The following NGLY1 variants were observed in gnomAD, a reference collection of about 807,000 sequenced individuals.
NGLY1 encodes the protein peptide-N(4)-(N-acetyl-beta-glucosaminyl)asparagine amidase.
NGLY1 carries 68 observed loss-of-function variants against 84.6 expected under a neutral mutation model. The observed-to-expected ratio is 0.80, with a 90% CI of 0.66 to 0.98. The LOEUF is 0.98. NGLY1 is among the 50% of genes least tolerant of loss of function. The pLI is 0.00. For synonymous variants in NGLY1, 280 were observed against 275.2 expected (o/e 1.02, Z -0.17); for missense variants, 779 against 770.2 (o/e 1.01, Z -0.14).
Position 25,741,820 on chromosome 3 carries a change from G to A in NGLY1, c.659-2021C>T, listed in dbSNP as rs1217531196. Among the ~76,000 whole-genome samples the A allele has an allele frequency of 5.3e-5, 8 of 151,812 alleles. No individual in the cohort carries two copies. The East Asian group carries it at 7.8e-4, about 15-fold the overall frequency. Reference sequence around the variant, plus strand: ...AGCCTGCCCAACATGGTGAAACCCCGTCTCTACTAAAAATACAAAAGAAAA... The same window carrying A: ...AGCCTGCCCAACATGGTGAAACCCCATCTCTACTAAAAATACAAAAGAAAA... On this transcript the variant is annotated intron_variant, in intron 4 of 11. Coordinates refer to ENST00000280700, the MANE Select transcript of NGLY1 (RefSeq NM_018297.4).
At chr3:25,788,981 C>T (rs1029654830) in intron 1 of NGLY1, among the ~76,000 whole-genome samples, 2 of 152,170 alleles carry the variant, frequency 1.3e-5, no homozygotes, top group African/African-American at 4.8e-5. Flanking sequence ...ACAATGGCTT[C>T]AAGAGGCATT....
intron 4 of NGLY1, 53 bp from the exon 5 acceptor site, chr3:25,739,852 T>A: frequency 7.8e-7 from 1 of 1,285,484 alleles, no homozygotes; most frequent in Non-Finnish European, 1.1e-6. Context: ...AAATTTAAAC[T>A]ATCCAAACAT....
intron 3 of NGLY1, 134 bp from the exon 4 acceptor site, chr3:25,751,397 A>T: frequency 2.8e-6 from 2 of 709,718 alleles, no homozygotes; most frequent in Non-Finnish European, 4.2e-6. Flanking sequence ...TAATAATTAT[A>T]CCCATAAACT....
Position 25,783,064 on chromosome 3 carries a change from G to A in NGLY1, c.131+196C>T, listed in dbSNP as rs1302960652. The A allele has an allele frequency of 9.4e-6, 5 of 534,256 alleles. No individual in the cohort carries two copies. The highest frequency in any genetic ancestry group is 7.1e-5 in the South Asian group (3 of 42,176). 33.1% of individuals were successfully genotyped at this position (534,256 alleles called of 1,614,324 possible). ...GCAAAGAAACTTCCTTTTCTCGAGC[G>A]GGGGTGGGACTTGGCCGGGTCCCGA... On this transcript the variant is annotated intron_variant, in intron 1 of 11. Coordinates refer to ENST00000280700, the MANE Select transcript of NGLY1 (RefSeq NM_018297.4). This position sits in a 1 kb window ranked among gnomAD's most constrained non-coding sequence, Gnocchi z 4.5.
rs34906518 is a variant in NGLY1, at chr3:25,753,043, C to CA, written c.493-1781dup. Among the ~76,000 whole-genome samples, 1,275 of 147,840 alleles carry CA rather than the reference C, an allele frequency of 8.6e-3. 7 individuals carry two copies. The highest frequency in any genetic ancestry group is 0.014 in the Non-Finnish European group (904 of 66,826). ...AAAACAATGGAAGAAGGCAACTGCT[C>CA]AAAAAAAAACAGAAATAAATTTCTC... On this transcript the variant is annotated intron_variant, in intron 3 of 11. Transcript: ENST00000280700.
rs532188961 is a variant in NGLY1, at chr3:25,719,653, A to T, written c.1790-18T>A. On this transcript the variant is annotated intron_variant, in intron 11 of 11. Coordinates refer to ENST00000280700, the MANE Select transcript of NGLY1 (RefSeq NM_018297.4). ...ACTGTTATCTGTTAGAGGGAAAAAA[A>T]AAATTAACATTTTGCTTTTGGTAAT... 100 of 1,591,968 alleles carry T rather than the reference A, an allele frequency of 6.3e-5. No individual in the cohort carries two copies. The South Asian group carries it at 7.4e-4, about 12-fold the overall frequency.
chr3:25,758,801 G>A (rs1707167803), intron 3 of NGLY1, among the ~76,000 whole-genome samples: 1 of 152,158 alleles, frequency 6.6e-6, no homozygotes. Context: ...AAGAAATAAA[G>A]ATGCAACAAT....
intron 1 of NGLY1, 47 bp from the exon 2 acceptor site, chr3:25,778,735 T>C (rs1708265138): frequency 1.7e-6 from 2 of 1,179,532 alleles, no homozygotes; most frequent in Non-Finnish European, 2.5e-6. Context: ...AACCAGGTCA[T>C]AGTTCTTCAA....
At chr3:25,743,627 T>C (rs575566626) in intron 4 of NGLY1, among the ~76,000 whole-genome samples, 7 of 152,190 alleles carry the variant, frequency 4.6e-5, no homozygotes, top group Non-Finnish European at 1.0e-4. Flanking sequence ...TTCACTGCTA[T>C]ATCCCCAACA....
chr3:25,764,860 G>A (rs984408980), intron 2 of NGLY1, among the ~76,000 whole-genome samples: 2 of 152,096 alleles, frequency 1.3e-5, no homozygotes, highest in African/African-American at 2.4e-5. Context: ...ATTTTTCCAC[G>A]ATAACGAAAA....
chr3:25,723,736 C>A (rs1328938664), intron 10 of NGLY1, among the ~76,000 whole-genome samples: 2 of 151,614 alleles, frequency 1.3e-5, no homozygotes, highest in Non-Finnish European at 2.9e-5. Flanking sequence ...CATATTTTTG[C>A]CTGTTGGCTT....
chr3:25,756,281 G>A (rs868016058), intron 3 of NGLY1, among the ~76,000 whole-genome samples: 2 of 152,092 alleles, frequency 1.3e-5, no homozygotes, highest in African/African-American at 2.4e-5. Flanking sequence ...AATGTAAAAG[G>A]CCATACCTGG....
intron 5 of NGLY1, among the ~76,000 whole-genome samples, chr3:25,738,389 A>T (rs1705949201): frequency 6.6e-6 from 1 of 152,098 alleles, no homozygotes; most frequent in Non-Finnish European, 1.5e-5. Flanking sequence ...CCAATTATAA[A>T]ATTACCAGAC....
intron 3 of NGLY1, among the ~76,000 whole-genome samples, chr3:25,763,778 C>G (rs1015538785): frequency 2.0e-5 from 3 of 152,010 alleles, no homozygotes; most frequent in Admixed American, 6.6e-5. Context: ...TTACCTTAAA[C>G]CTAAAGAAGC....
chr3:25,771,925 T>A (rs115123695), intron 2 of NGLY1, among the ~76,000 whole-genome samples: 1,919 of 152,274 alleles, frequency 0.013, 40 homozygotes, highest in African/African-American at 0.044. Flanking sequence ...TGTAGGAGCT[T>A]TTTGGATGAG....
chr3:25,754,748 T>C (rs555467527), intron 3 of NGLY1, among the ~76,000 whole-genome samples: 1 of 148,760 alleles, frequency 6.7e-6, no homozygotes, highest in African/African-American at 2.5e-5. Context: ...AAGTCAAGAG[T>C]ATTTGGAAAA....
At chr3:25,725,954 C>T (rs1705235437) in intron 10 of NGLY1, among the ~76,000 whole-genome samples, 1 of 152,196 alleles carries the variant, frequency 6.6e-6, no homozygotes, top group Non-Finnish European at 1.5e-5. Context: ...CTGATACGCA[C>T]CTTGAGGCTT....
intron 1 of NGLY1, among the ~76,000 whole-genome samples, 172 bp from the exon 2 acceptor site, chr3:25,778,860 G>C (rs955001865): frequency 7.1e-6 from 1 of 141,814 alleles, no homozygotes; most frequent in African/African-American, 2.7e-5. Flanking sequence ...ATTACATTCT[G>C]TGCTGTTAAG....
chr3:25,739,462 T>G (rs1575621908), intron 5 of NGLY1, 115 bp downstream of exon 5: 1 of 1,022,022 alleles, frequency 9.8e-7, no homozygotes, highest in Non-Finnish European at 1.4e-6. Context: ...TGCTCACCGG[T>G]ATTTTAGAGG....
Sources: gnomAD v4.1 joint callset for allele counts (sites outside exome capture counted in the v4.1 genomes callset) on GRCh38, gnomAD v4.1.1 for gene constraint, Gnocchi (gnomAD v3.1) non-coding constraint, MANE v1.5 for transcripts, NCBI Gene and HGNC (gene_info 2026-07-23, HGNC 2026-07-21) for gene names.